Variants in TBCE observed in about 807,000 individuals in gnomAD.
The protein encoded by TBCE is tubulin folding cofactor E.
Under a neutral mutation model 77.0 loss-of-function variants are expected in TBCE, and 53 were observed. That is an observed-to-expected ratio of 0.69 (90% CI 0.55 to 0.87). The LOEUF (loss-of-function observed/expected upper bound fraction) is 0.87, where lower values mean the gene tolerates loss of function less well. Ranked by LOEUF, TBCE falls within the 40% of genes least tolerant of loss-of-function variation. The pLI, the probability that TBCE is intolerant of heterozygous loss-of-function variation, is 0.00. For missense variants in TBCE, 624 were observed against 622.4 expected (o/e 1.00, Z -0.03); for synonymous variants, 235 against 241.3 (o/e 0.97, Z 0.24).
At chr1:235,409,999 C>T (rs945520451) in intron 3 of TBCE, among the ~76,000 whole-genome samples, 3 of 147,982 alleles carry the variant, frequency 2.0e-5, no homozygotes, top group Non-Finnish European at 3.0e-5. Context: ...CACTGCACTC[C>T]AGCCTGCGTG....
intron 1 of TBCE, among the ~76,000 whole-genome samples, chr1:235,373,421 A>T (rs1677094559): frequency 6.6e-6 from 1 of 151,956 alleles, no homozygotes; most frequent in South Asian, 2.1e-4. Context: ...TGAAAGGGAC[A>T]GAAAAAAAAG....
In TBCE at chr1:235,400,030, T is replaced by A. The variant is rs551424077; in HGVS notation, c.101-1473T>A. Reference sequence around the variant, plus strand: ...GCAGTAGTTATTCATTTTTTATTTTTCCTTACACAGCAGTTAATTTTTTAT... The same window carrying A: ...GCAGTAGTTATTCATTTTTTATTTTACCTTACACAGCAGTTAATTTTTTAT... On this transcript the variant is annotated intron_variant, in intron 2 of 16. Coordinates refer to ENST00000642610, the MANE Select transcript of TBCE (RefSeq NM_003193.5). 9.8e-5 allele frequency among the ~76,000 whole-genome samples: 15 copies of A among 152,314 alleles called. No homozygotes were observed. In the South Asian group the frequency reaches 3.1e-3, roughly 32 times the overall value.
intron 1 of TBCE, among the ~76,000 whole-genome samples, chr1:235,377,676 G>A (rs1677380341): frequency 6.7e-6 from 1 of 150,116 alleles, no homozygotes; most frequent in African/African-American, 2.5e-5. Context: ...TTTTGAGATG[G>A]GGTCTTGCTC....
intron 15 of TBCE, among the ~76,000 whole-genome samples, chr1:235,444,029 G>T (rs981562881): frequency 1.3e-5 from 2 of 152,154 alleles, no homozygotes; most frequent in Non-Finnish European, 2.9e-5. Flanking sequence ...TTAAATAAAT[G>T]AAATACACAT....
At chr1:235,401,826 CT>C (rs11285286) in intron 3 of TBCE, among the ~76,000 whole-genome samples, 45,788 of 88,280 alleles carry the variant, frequency 0.52, 10,675 homozygotes, top group Middle Eastern at 0.6. Context: ...TTTCTTCGTC[CT>C]TTTTTTTTTT....
Position 235,401,546 on chromosome 1 carries a change from G to C in TBCE, c.144G>C (p.Lys48Asn), listed in dbSNP as rs952386295. Residue 48 changes from lysine (K) to asparagine (N), a missense_variant, in exon 3 of 17, where the codon AAG becomes AAC. By Grantham distance (94) the Lys-to-Asn change is moderately conservative. Transcript: ENST00000642610. ...AATGGGACAATCCCGAGAGAGGAAA[G>C]CATGATGGGAGCCACGAAGGGACTG... ...GVEWDNPERG[K>N]HDGSHEGTVY... is the part of the protein sequence containing the mutation. 6.2e-7 allele frequency: 1 copy of C among 1,613,950 alleles called. No homozygotes were observed. Among genetic ancestry groups the C allele is most frequent in the Non-Finnish European group, 8.5e-7 (1 of 1,179,910 alleles).
intron 1 of TBCE, among the ~76,000 whole-genome samples, chr1:235,376,963 CAATT>C (rs1677335958): frequency 1.3e-5 from 2 of 151,048 alleles, no homozygotes; most frequent in African/African-American, 4.9e-5. Context: ...GACTCCGTCT[CAATT>C]AAAAAAAAAA....
chr1:235,441,846 A>T lies in TBCE; in HGVS notation c.1303A>T (p.Thr435Ser). 1 of 1,614,120 alleles carries T rather than the reference A, an allele frequency of 6.2e-7. No homozygotes were observed. Among genetic ancestry groups the T allele is most frequent in the Non-Finnish European group, 8.5e-7 (1 of 1,180,014 alleles). Residue 435 changes from threonine to serine, a missense_variant, in exon 14 of 17, where the codon ACA (threonine) becomes TCA (serine). Coordinates refer to ENST00000642610, the MANE Select transcript of TBCE (RefSeq NM_003193.5). The part of the protein sequence containing the change: ...YGAPEDWELK[T>S]QQPLMLKNQL... ...TGCACCTGAAGATTGGGAACTCAAA[A>T]CACAGCAACCACTTATGCTGAAAAA...
At chr1:235,414,673 A>C in intron 4 of TBCE, 55 bp downstream of exon 4, 1 of 1,556,970 alleles carries the variant, frequency 6.4e-7, no homozygotes, top group Non-Finnish European at 8.8e-7. Flanking sequence ...TAAGGTTCAG[A>C]ATTGAAATAC....
At chr1:235,398,095 A>T (rs147333255) in intron 2 of TBCE, among the ~76,000 whole-genome samples, 7 of 150,832 alleles carry the variant, frequency 4.6e-5, no homozygotes, top group Non-Finnish European at 8.8e-5. Flanking sequence ...GCATCCATCA[A>T]TTCAACCCAT....
chr1:235,399,618 C>T (rs1268439895), intron 2 of TBCE, among the ~76,000 whole-genome samples: 1 of 152,210 alleles, frequency 6.6e-6, no homozygotes, highest in Admixed American at 6.5e-5. Context: ...CAGCCCTTCC[C>T]CTGTACCTCG....
chr1:235,395,127 C>G (rs1228426951), intron 2 of TBCE, among the ~76,000 whole-genome samples: 2 of 152,164 alleles, frequency 1.3e-5, no homozygotes, highest in Non-Finnish European at 2.9e-5. Context: ...TTGCTTTAAA[C>G]ATTTGTGTGC....
chr1:235,443,590 GGAGACTGT>G (rs2102942123), intron 15 of TBCE, among the ~76,000 whole-genome samples: 1 of 151,982 alleles, frequency 6.6e-6, no homozygotes, highest in East Asian at 1.9e-4. Context: ...CTGTTTCCAG[GGAGACTGT>G]GACACTGGGT....
chr1:235,412,130 C>T (rs1338903495), intron 3 of TBCE, among the ~76,000 whole-genome samples: 1 of 57,524 alleles, frequency 1.7e-5, no homozygotes, highest in Admixed American at 1.9e-4. Context: ...ATCCCTTTCC[C>T]TTCTCCTCCC....
At chr1:235,433,388 T>G (rs1177160807) in intron 7 of TBCE, 2 of 184,594 alleles carry the variant, frequency 1.1e-5, no homozygotes, top group African/African-American at 2.3e-5. Flanking sequence ...GCCTGGCTAA[T>G]TTTTTGTATT....
chr1:235,384,373 A>G (rs1256835800), intron 2 of TBCE, among the ~76,000 whole-genome samples: 15 of 146,264 alleles, frequency 1.0e-4, no homozygotes, highest in Admixed American at 3.5e-4. Context: ...ATTGATTGGA[A>G]TAGTTTCAGA....
At chr1:235,392,551 C>T (rs941163899) in intron 2 of TBCE, among the ~76,000 whole-genome samples, 1 of 151,416 alleles carries the variant, frequency 6.6e-6, no homozygotes, top group Non-Finnish European at 1.5e-5. Context: ...GCTAGGATTA[C>T]AGGCACCCCC....
rs1055734186 is a variant in TBCE, at chr1:235,450,244, C to T, written c.*1482C>T. ...CATCGACAAGGATCACCGCACCGTT[C>T]CTTCAGTTTCCACAGTTCCGTCAGT... On this transcript the variant is annotated 3_prime_UTR_variant, in exon 17 of 17. Transcript: ENST00000642610. 1.4e-5 allele frequency: 23 copies of T among 1,614,020 alleles called. No homozygotes were observed. Among genetic ancestry groups the T allele is most frequent in the East Asian group, 2.2e-5 (1 of 44,888 alleles).
chr1:235,413,689 A>T (rs1209885263), intron 3 of TBCE, among the ~76,000 whole-genome samples: 2 of 151,582 alleles, frequency 1.3e-5, no homozygotes, highest in African/African-American at 4.8e-5. Context: ...AAAAGTAATG[A>T]TCGTAAGCTG....
Sources: allele counts gnomAD v4.1 joint callset (sites outside exome capture counted in the v4.1 genomes callset), GRCh38; gene constraint gnomAD v4.1.1; transcripts MANE v1.5; gene names NCBI Gene and HGNC (gene_info 2026-07-23, HGNC 2026-07-21).